The following MTMR3 variants were observed in gnomAD, a reference collection of about 807,000 sequenced individuals.
MTMR3 encodes the protein phosphatidylinositol-3,5-bisphosphate 3-phosphatase MTMR3.
A neutral mutation model predicts 132.4 loss-of-function variants in MTMR3; 32 were observed. The observed-to-expected ratio is 0.24, with a 90% CI of 0.18 to 0.32. The LOEUF (loss-of-function observed/expected upper bound fraction) is 0.32, where lower values mean the gene tolerates loss of function less well. Among genes scored for constraint, MTMR3 ranks in the 10% least tolerant of loss-of-function variants. MTMR3 has a pLI of 1.00. For synonymous variants in MTMR3, 556 were observed against 550.3 expected (o/e 1.01, Z -0.14); for missense variants, 1,216 against 1,489.6 (o/e 0.82, Z 3.02).
intron 1 of MTMR3, among the ~76,000 whole-genome samples, chr22:29,913,015 A>G (rs2065243522): frequency 6.6e-6 from 1 of 152,118 alleles, no homozygotes; most frequent in African/African-American, 2.4e-5. Context: ...AGCCGAGGCG[A>G]GAGAATCACT....
intron 2 of MTMR3, among the ~76,000 whole-genome samples, chr22:29,969,680 A>C (rs1175752161): frequency 6.6e-6 from 1 of 150,792 alleles, no homozygotes; most frequent in Admixed American, 6.6e-5. Context: ...ACAGGCACAC[A>C]CCCCCATGCC....
At chr22:29,962,916 T>TC (rs975211267) in intron 2 of MTMR3, among the ~76,000 whole-genome samples, 20 of 149,952 alleles carry the variant, frequency 1.3e-4, no homozygotes, top group Non-Finnish European at 2.7e-4. Flanking sequence ...TTTTCTTTTT[T>TC]TTTTTTTTTT....
Position 30,025,982 on chromosome 22 carries a change from C to G in MTMR3, c.*181C>G. The G allele has an allele frequency of 1.8e-6, 1 of 547,202 alleles. No homozygotes were observed. The highest frequency in any genetic ancestry group is 3.2e-6 in the Non-Finnish European group (1 of 315,002). The allele number at this position is 547,202 out of a possible 1,614,324, so 33.9% of individuals were successfully genotyped here. A position where few individuals can be genotyped will look rare whatever the true frequency, so the allele number is the denominator to read the frequency against. ...GATTTTTCTTTCCTGTCCCCCTACT[C>G]CCTCCCTACCTTTTCCATCCTCCTC... On this transcript the variant is annotated 3_prime_UTR_variant, in exon 20 of 20. Coordinates refer to ENST00000401950, the MANE Select transcript of MTMR3 (RefSeq NM_021090.4).
In MTMR3 at chr22:30,030,756, C is replaced by G. The variant is rs1197525219; in HGVS notation, c.*4955C>G. 1 of 151,958 alleles carries G rather than the reference C, an allele frequency of 6.6e-6. No individual in the cohort carries two copies. Among genetic ancestry groups the G allele is most frequent in the Non-Finnish European group, 1.5e-5 (1 of 67,990 alleles). 9.4% of individuals were successfully genotyped at this position (151,958 alleles called of 1,614,324 possible). ...GTTTTCATACTGTTCTCTGGGGCCT[C>G]GTGGAGAGGGAGCCTCCAGGCCCAT... On this transcript the variant is annotated 3_prime_UTR_variant, in exon 20 of 20. Transcript: ENST00000401950.
chr22:29,905,684 C>T (rs1348109286), intron 1 of MTMR3, among the ~76,000 whole-genome samples: 1 of 152,090 alleles, frequency 6.6e-6, no homozygotes, highest in Non-Finnish European at 1.5e-5. Context: ...GAATATCTTG[C>T]CTTTAATATA....
intron 3 of MTMR3, 138 bp from the exon 4 acceptor site, chr22:29,978,304 A>G (rs1430431095): frequency 5.2e-6 from 3 of 574,932 alleles, no homozygotes; most frequent in East Asian, 3.0e-5. Context: ...TAAGATCAAT[A>G]TTGTTTCCTT....
Position 29,971,036 on chromosome 22 carries a change from T to C in MTMR3, c.-24T>C, listed in dbSNP as rs1434193182. ...ACACTGAAGAAGGGACGGGGATTTC[T>C]CCTCCTAATCTGGGCCTCTTGTCAT... On this transcript the variant is annotated 5_prime_UTR_variant, in exon 3 of 20. Transcript: ENST00000401950. The C allele has an allele frequency of 1.3e-6, 2 of 1,582,956 alleles. No homozygotes were observed. Among genetic ancestry groups the C allele is most frequent in the Non-Finnish European group, 1.7e-6 (2 of 1,165,976 alleles).
At chr22:29,889,990 T>C (rs1307211975) in intron 1 of MTMR3, among the ~76,000 whole-genome samples, 1 of 147,684 alleles carries the variant, frequency 6.8e-6, no homozygotes, top group African/African-American at 2.5e-5. Context: ...CACTGCAGCC[T>C]CTGCCTCCCG....
Position 29,936,926 on chromosome 22 carries a change from C to T in MTMR3, c.-137-20110C>T, listed in dbSNP as rs552815494. Reference sequence around the variant, plus strand: ...GAGTTTTAAGATGGTTAGGTTTTTTCGTATTACTGACTGGCTAAAAGGAGA... The same window carrying T: ...GAGTTTTAAGATGGTTAGGTTTTTTTGTATTACTGACTGGCTAAAAGGAGA... On this transcript the variant is annotated intron_variant, in intron 1 of 19. Transcript: ENST00000401950. Among the ~76,000 whole-genome samples, 87 of 152,118 alleles carry T rather than the reference C, an allele frequency of 5.7e-4. 1 individual carries two copies. The South Asian group carries it at 0.011, about 19-fold the overall frequency.
chr22:29,992,261 G>A (rs1307170858), intron 7 of MTMR3: 1 of 152,250 alleles, frequency 6.6e-6, no homozygotes, highest in Non-Finnish European at 1.5e-5. Flanking sequence ...TTTATTTTTA[G>A]TAGAGACGGG....
At chr22:29,887,150 T>G (rs1316044189) in intron 1 of MTMR3, among the ~76,000 whole-genome samples, 4 of 152,196 alleles carry the variant, frequency 2.6e-5, no homozygotes, top group Non-Finnish European at 4.4e-5. Flanking sequence ...ATATACCTTT[T>G]AAGTTCATAT....
At chr22:29,992,756 T>C (rs2066989813) in intron 7 of MTMR3, 1 of 152,218 alleles carries the variant, frequency 6.6e-6, no homozygotes, top group Non-Finnish European at 1.5e-5. Context: ...TTGAGGCTAA[T>C]CTTGCTATGC....
intron 1 of MTMR3, among the ~76,000 whole-genome samples, chr22:29,953,981 G>A (rs1370189656): frequency 6.6e-6 from 1 of 151,142 alleles, no homozygotes; most frequent in Admixed American, 6.6e-5. Flanking sequence ...CTGGTATCAT[G>A]GGAAGGTACC....
chr22:29,920,796 A>G (rs933352915), intron 1 of MTMR3, among the ~76,000 whole-genome samples: 1 of 152,162 alleles, frequency 6.6e-6, no homozygotes, highest in African/African-American at 2.4e-5. Context: ...TACTGACCAA[A>G]TATAAAAGAT....
chr22:29,884,312 G>A (rs1430698545), intron 1 of MTMR3, among the ~76,000 whole-genome samples: 2 of 152,102 alleles, frequency 1.3e-5, no homozygotes, highest in Non-Finnish European at 2.9e-5. Context: ...TCTAGTTAAG[G>A]TTCAACTTTC....
At position 29,932,643 on chromosome 22, in the gene MTMR3, A is replaced by G. The variant is rs554403710; in HGVS notation, c.-137-24393A>G. Reference sequence around the variant, plus strand: ...TTTTTAAAAAAATGTGGATTTTGCCATAAGGAAAATAATGAAAAAGCAAAA... The same window carrying G: ...TTTTTAAAAAAATGTGGATTTTGCCGTAAGGAAAATAATGAAAAAGCAAAA... On this transcript the variant is annotated intron_variant, in intron 1 of 19. Transcript: ENST00000401950. 2.7e-4 allele frequency among the ~76,000 whole-genome samples: 41 copies of G among 152,338 alleles called. No individual in the cohort carries two copies. In the South Asian group the frequency reaches 8.1e-3, roughly 30 times the overall value.
chr22:29,956,903 G>A (rs545206376), intron 1 of MTMR3, 133 bp from the exon 2 acceptor site: 36 of 152,422 alleles, frequency 2.4e-4, no homozygotes, highest in African/African-American at 8.4e-4. Flanking sequence ...AATACTCCAT[G>A]TTGCACCAAT....
At chr22:29,923,969 A>G (rs2065468643) in intron 1 of MTMR3, among the ~76,000 whole-genome samples, 2 of 152,228 alleles carry the variant, frequency 1.3e-5, no homozygotes, top group East Asian at 1.9e-4. Context: ...ATTTGCAGGT[A>G]TTTTCTCCAT....
chr22:29,890,388 G>A (rs1048061274), intron 1 of MTMR3, among the ~76,000 whole-genome samples: 11 of 151,978 alleles, frequency 7.2e-5, no homozygotes, highest in African/African-American at 2.7e-4. Context: ...GTGGTGGCGG[G>A]CCTCTGTAAT....
Sources: gnomAD v4.1 joint callset for allele counts (sites outside exome capture counted in the v4.1 genomes callset) on GRCh38, gnomAD v4.1.1 for gene constraint, MANE v1.5 for transcripts, NCBI Gene and HGNC (gene_info 2026-07-23, HGNC 2026-07-21) for gene names.